The following BSN variants were observed in gnomAD, a reference collection of about 807,000 sequenced individuals.
The protein encoded by BSN is protein bassoon.
Under a neutral mutation model 264.8 loss-of-function variants are expected in BSN, and 57 were observed. That is an observed-to-expected ratio of 0.22 (90% CI 0.17 to 0.27). BSN has a LOEUF of 0.27. BSN is among the 10% of genes least tolerant of loss of function. BSN has a pLI of 1.00. For synonymous variants in BSN, 2,059 were observed against 2,137.3 expected, an observed-to-expected ratio of 0.96 and a Z score of 1.01; for missense variants, 4,615 against 5,232.5, an observed-to-expected ratio of 0.88 and a Z score of 3.64.
At chr3:49,584,164 C>T (rs2051916824) in intron 1 of BSN, among the ~76,000 whole-genome samples, 1 of 152,110 alleles carries the variant, frequency 6.6e-6, no homozygotes, top group African/African-American at 2.4e-5. Flanking sequence ...GGATTACAGA[C>T]GTGAGCCACC....
chr3:49,588,884 A>G (rs927466439), intron 1 of BSN, among the ~76,000 whole-genome samples: 1 of 150,668 alleles, frequency 6.6e-6, no homozygotes, highest in African/African-American at 2.4e-5. Context: ...TGTACATTTG[A>G]GAAGAGTGCG....
chr3:49,565,045 C>G (rs1365233219), intron 1 of BSN, among the ~76,000 whole-genome samples: 1 of 149,844 alleles, frequency 6.7e-6, no homozygotes, highest in Non-Finnish European at 1.5e-5. Flanking sequence ...GCTGAAGTCT[C>G]TCCTGCAAAC....
intron 1 of BSN, among the ~76,000 whole-genome samples, chr3:49,589,647 C>T (rs1450316097): frequency 1.3e-5 from 2 of 150,308 alleles, no homozygotes; most frequent in East Asian, 3.9e-4. Context: ...GCTGTGACTA[C>T]AGGCGCATGC....
chr3:49,623,898 G>A (rs2052321993), intron 1 of BSN, among the ~76,000 whole-genome samples: 1 of 152,178 alleles, frequency 6.6e-6, no homozygotes, highest in Admixed American at 6.5e-5. Context: ...CACCTAGGGA[G>A]GAAAAAATAC....
intron 1 of BSN, among the ~76,000 whole-genome samples, chr3:49,598,271 C>T (rs190560325): frequency 6.6e-6 from 1 of 152,274 alleles, no homozygotes; most frequent in Non-Finnish European, 1.5e-5. Flanking sequence ...TGATTCTGTC[C>T]TCTTTCAGGG....
intron 5 of BSN, among the ~76,000 whole-genome samples, chr3:49,659,105 G>C (rs2052633440): frequency 6.6e-6 from 1 of 152,342 alleles, no homozygotes; most frequent in South Asian, 2.1e-4. Context: ...GGCATCGTAA[G>C]GTAGATTTGC....
At chr3:49,554,875 C>G in intron 1 of BSN, 49 bp downstream of exon 1, 1 of 1,094,554 alleles carries the variant, frequency 9.1e-7, no homozygotes, top group Non-Finnish European at 1.1e-6. Flanking sequence ...CAGCCTGAGG[C>G]CGGGACCCGG....
intron 1 of BSN, among the ~76,000 whole-genome samples, chr3:49,597,791 T>C (rs2052037694): frequency 1.3e-5 from 2 of 151,834 alleles, no homozygotes; most frequent in African/African-American, 4.8e-5. Flanking sequence ...TACAGGCATC[T>C]GCCACCACAC....
At chr3:49,565,017 A>T (rs1049097378) in intron 1 of BSN, among the ~76,000 whole-genome samples, 10 of 151,726 alleles carry the variant, frequency 6.6e-5, no homozygotes, top group African/African-American at 2.4e-4. Context: ...AGAAGAAAAG[A>T]AGAAGAAAGG....
chr3:49,559,790 T>C (rs181651957), intron 1 of BSN, among the ~76,000 whole-genome samples: 105 of 152,344 alleles, frequency 6.9e-4, no homozygotes, highest in African/African-American at 2.3e-3. Context: ...CTCTGTCCCA[T>C]GTTTTTCTTG....
intron 1 of BSN, among the ~76,000 whole-genome samples, chr3:49,592,987 G>A (rs1184577618): frequency 2.0e-5 from 3 of 152,114 alleles, no homozygotes; most frequent in Non-Finnish European, 4.4e-5. Flanking sequence ...AAGATACTGA[G>A]CAGTTCCAAG....
chr3:49,569,490 G>C (rs2051780444), intron 1 of BSN, among the ~76,000 whole-genome samples: 1 of 152,164 alleles, frequency 6.6e-6, no homozygotes, highest in Non-Finnish European at 1.5e-5. Flanking sequence ...ATAGAAAGAT[G>C]AACAGGTAGA....
At chr3:49,592,643 C>T (rs1402749924) in intron 1 of BSN, among the ~76,000 whole-genome samples, 1 of 149,686 alleles carries the variant, frequency 6.7e-6, no homozygotes, top group Non-Finnish European at 1.5e-5. Flanking sequence ...CCCAGCTACT[C>T]GGGAGGCTGA....
At chr3:49,662,791 T>C (rs1262023600) in intron 6 of BSN, 85 bp from the exon 7 acceptor site, 3 of 1,490,312 alleles carry the variant, frequency 2.0e-6, no homozygotes, top group Non-Finnish European at 2.7e-6. Flanking sequence ...GCACCCACTC[T>C]CTTGGTTTCT....
intron 1 of BSN, among the ~76,000 whole-genome samples, chr3:49,577,248 T>C (rs902464144): frequency 6.6e-5 from 10 of 152,240 alleles, no homozygotes; most frequent in Admixed American, 1.3e-4. Flanking sequence ...CCCAGGAATA[T>C]GAATTTTGAA....
In BSN at chr3:49,660,235, C is replaced by T. The variant is rs753211373; in HGVS notation, c.8641-251C>T. Among the ~76,000 whole-genome samples the T allele has an allele frequency of 5.9e-5, 9 of 152,132 alleles. No homozygotes were observed. Among genetic ancestry groups the T allele is most frequent in the South Asian group, 2.1e-4 (1 of 4,830 alleles). On this transcript the variant is annotated intron_variant, in intron 5 of 11. Coordinates refer to ENST00000296452, the MANE Select transcript of BSN (RefSeq NM_003458.4). The surrounding 1 kb of genome is among the most constrained non-coding windows in gnomAD (Gnocchi z 7.1). ...GACATTGGCATGAAGGGAATCTGCCCGTACCCTCCTGCTTCCCAAAGCTCT... is the reference window on the plus strand; with the variant it reads ...GACATTGGCATGAAGGGAATCTGCCTGTACCCTCCTGCTTCCCAAAGCTCT...
At chr3:49,641,556 A>C (rs1322490436) in intron 2 of BSN, 2 of 152,186 alleles carry the variant, frequency 1.3e-5, no homozygotes, top group Non-Finnish European at 2.9e-5. Flanking sequence ...CTTCTTTAAA[A>C]AGCTATCTTC....
At chr3:49,672,545 A>G (rs1181820840), downstream of BSN, among the ~76,000 whole-genome samples, 1 of 149,172 alleles carries the variant, frequency 6.7e-6, no homozygotes, top group African/African-American at 2.5e-5. Context: ...CAGTGGCATG[A>G]TCTCGGCTCA....
rs2052539864 is a variant in BSN at position 49,651,368 on chromosome 3, G to A, written c.1987-175G>A. 1 of 741,102 alleles carries A rather than the reference G, an allele frequency of 1.3e-6. No individual in the cohort carries two copies. The highest frequency in any genetic ancestry group is 1.8e-5 in the African/African-American group (1 of 56,812). 45.9% of individuals were successfully genotyped at this position (741,102 alleles called of 1,614,324 possible). A position where few individuals can be genotyped will look rare whatever the true frequency, so the allele number is the denominator to read the frequency against. On this transcript the variant is annotated intron_variant, in intron 4 of 11. Transcript: ENST00000296452. This position sits in a 1 kb window ranked among gnomAD's most constrained non-coding sequence, Gnocchi z 5.4. ...GAAGACCAAGGGCTGGTTTGGGCTTGCCATGGAACCTTCAGGTTATTCAAG... is the reference window on the plus strand; with the variant it reads ...GAAGACCAAGGGCTGGTTTGGGCTTACCATGGAACCTTCAGGTTATTCAAG...
Sources: gnomAD v4.1 joint callset for allele counts (sites outside exome capture counted in the v4.1 genomes callset) on GRCh38, gnomAD v4.1.1 for gene constraint, Gnocchi (gnomAD v3.1) non-coding constraint, MANE v1.5 for transcripts, NCBI Gene and HGNC (gene_info 2026-07-23, HGNC 2026-07-21) for gene names.